HNF4G: variants seen among roughly 807,000 people sequenced by gnomAD.
HNF4G encodes hepatocyte nuclear factor 4-gamma.
A neutral mutation model predicts 50.9 loss-of-function variants in HNF4G; 21 were observed. The observed-to-expected ratio is 0.41, with a 90% CI of 0.29 to 0.59. The LOEUF is 0.59. Ranked by LOEUF, HNF4G falls within the 20% of genes least tolerant of loss-of-function variation. The probability of loss-of-function intolerance (pLI) is 0.26; values close to 1 mark genes in which losing one functional copy is unlikely to be tolerated. For synonymous variants in HNF4G, 198 were observed against 185.6 expected (o/e 1.07, Z -0.54); for missense variants, 527 against 559.4 (o/e 0.94, Z 0.58).
chr8:75,496,733 G>A (rs981972321), intron 2 of HNF4G, among the ~76,000 whole-genome samples: 7 of 151,430 alleles, frequency 4.6e-5, no homozygotes, highest in Non-Finnish European at 7.4e-5. Context: ...CCAGACAAGT[G>A]GAGAAAAAGA....
chr8:75,427,181 C>A (rs1461784401), intron 1 of HNF4G, among the ~76,000 whole-genome samples: 12 of 152,146 alleles, frequency 7.9e-5, no homozygotes, highest in Admixed American at 7.9e-4. Flanking sequence ...CTCTGTATTT[C>A]TTTGAATGCA....
rs186072116 is a variant in HNF4G, at chr8:75,449,652, T to G, written c.-143-40437T>G. 0.011 allele frequency among the ~76,000 whole-genome samples: 1,696 copies of G among 151,568 alleles called. 67 individuals are homozygous for G. In the East Asian group the frequency reaches 0.15, roughly 13 times the overall value. Reference sequence around the variant, plus strand: ...CTCCCTTGTAGCTGGGACTACAGGCTCCCGCCACCACGCCAGGCTAATTTT... The same window carrying G: ...CTCCCTTGTAGCTGGGACTACAGGCGCCCGCCACCACGCCAGGCTAATTTT... On this transcript the variant is annotated intron_variant, in intron 1 of 10. Coordinates refer to the HNF4G transcript ENST00000354370.
Position 75,564,469 on chromosome 8 carries a change from G to A in HNF4G, c.*373G>A. Reference sequence around the variant, plus strand: ...CAGAACAAAGTGTTCGTTTTTGACTGAAAATAGTAGATCAGAAATCTCAGT... The same window carrying A: ...CAGAACAAAGTGTTCGTTTTTGACTAAAAATAGTAGATCAGAAATCTCAGT... On this transcript the variant is annotated 3_prime_UTR_variant, in exon 10 of 10. Transcript: ENST00000396423. 1 of 155,216 alleles carries A rather than the reference G, an allele frequency of 6.4e-6. No individual in the cohort carries two copies. Among genetic ancestry groups the A allele is most frequent in the Non-Finnish European group, 1.4e-5 (1 of 70,066 alleles). The allele number at this position is 155,216 out of a possible 1,614,324, so 9.6% of individuals were successfully genotyped here. A position where few individuals can be genotyped will look rare whatever the true frequency, so the allele number is the denominator to read the frequency against.
At chr8:75,508,068 T>C (rs1045877709) in intron 2 of HNF4G, among the ~76,000 whole-genome samples, 2 of 151,380 alleles carry the variant, frequency 1.3e-5, no homozygotes, top group African/African-American at 4.8e-5. Context: ...ACCGTATCAA[T>C]GGCTAAACAA....
chr8:75,414,945 C>T (rs1166186839), intron 1 of HNF4G, among the ~76,000 whole-genome samples: 1 of 152,148 alleles, frequency 6.6e-6, no homozygotes, highest in African/African-American at 2.4e-5. Flanking sequence ...AAAGAATTAC[C>T]AATCTGGTTT....
chr8:75,484,328 C>T (rs1258447303), intron 1 of HNF4G, among the ~76,000 whole-genome samples: 1 of 152,132 alleles, frequency 6.6e-6, no homozygotes, highest in Non-Finnish European at 1.5e-5. Flanking sequence ...GAAAAAAGCT[C>T]TCTGGTTAAT....
At chr8:75,414,646 G>C (rs1810589390) in intron 1 of HNF4G, among the ~76,000 whole-genome samples, 1 of 152,060 alleles carries the variant, frequency 6.6e-6, no homozygotes, top group African/African-American at 2.4e-5. Flanking sequence ...GGGTCACGCA[G>C]TATTATTTTG....
At chr8:75,441,191 G>A (rs916088758) in intron 1 of HNF4G, among the ~76,000 whole-genome samples, 2 of 151,632 alleles carry the variant, frequency 1.3e-5, no homozygotes, top group Non-Finnish European at 2.9e-5. Flanking sequence ...CTTAACATGA[G>A]AGCTACCTTG....
intron 8 of HNF4G, 50 bp downstream of exon 8, chr8:75,559,087 A>G (rs1807223495): frequency 2.5e-6 from 3 of 1,193,100 alleles, no homozygotes; most frequent in Middle Eastern, 1.9e-4. Context: ...CACACTAAAT[A>G]TAAGTTTGAC....
intron 2 of HNF4G, among the ~76,000 whole-genome samples, chr8:75,533,587 ATTT>A (rs1806386021): frequency 6.6e-6 from 1 of 151,898 alleles, no homozygotes; most frequent in African/African-American, 2.4e-5. Flanking sequence ...TATTAATATT[ATTT>A]TAATTATGTC....
In HNF4G at chr8:75,515,668, C is replaced by A. The variant is rs147219457; in HGVS notation, c.-24+25460C>A. On this transcript the variant is annotated intron_variant, in intron 2 of 10. Transcript: ENST00000354370. ...AAGCAGAAGAAAATGAATGTCCTGG[C>A]TCAAACACAGAGAATAAATTCACCT... Among the ~76,000 whole-genome samples the A allele has an allele frequency of 1.3e-4, 20 of 152,278 alleles. No individual in the cohort carries two copies. The East Asian group carries it at 3.9e-3, about 29-fold the overall frequency.
At chr8:75,563,895 G>A (rs1245960150) in intron 9 of HNF4G, 80 bp from the exon 10 acceptor site, 1 of 1,464,494 alleles carries the variant, frequency 6.8e-7, no homozygotes, top group Non-Finnish European at 9.4e-7. Context: ...ACGCTAATGT[G>A]TATTGGTGTT....
intron 1 of HNF4G, among the ~76,000 whole-genome samples, chr8:75,474,051 A>G (rs1366077558): frequency 1.3e-5 from 2 of 152,212 alleles, no homozygotes; most frequent in Middle Eastern, 3.2e-3. Context: ...AGGGATAGTC[A>G]ATAGAGATCT....
intron 1 of HNF4G, among the ~76,000 whole-genome samples, chr8:75,410,408 C>T (rs188584534): frequency 7.2e-5 from 11 of 152,234 alleles, no homozygotes; most frequent in African/African-American, 2.4e-4. Flanking sequence ...AGTCCCAGAA[C>T]ATCTGACTTG....
intron 2 of HNF4G, among the ~76,000 whole-genome samples, chr8:75,493,239 C>A (rs902980876): frequency 6.6e-6 from 1 of 152,010 alleles, no homozygotes; most frequent in Non-Finnish European, 1.5e-5. Flanking sequence ...AGGTATATAT[C>A]TGGAGGGAAA....
At chr8:75,433,442 T>G (rs1811062360) in intron 1 of HNF4G, among the ~76,000 whole-genome samples, 1 of 151,600 alleles carries the variant, frequency 6.6e-6, no homozygotes, top group African/African-American at 2.4e-5. Context: ...AAAGAAACTT[T>G]AAGATCAATT....
intron 2 of HNF4G, among the ~76,000 whole-genome samples, chr8:75,505,169 G>T (rs1483541763): frequency 6.6e-6 from 1 of 152,104 alleles, no homozygotes; most frequent in Non-Finnish European, 1.5e-5. Context: ...TACAAGTACT[G>T]ATTTTACCCA....
intron 2 of HNF4G, among the ~76,000 whole-genome samples, chr8:75,525,282 C>T (rs749846261): frequency 1.5e-4 from 23 of 152,154 alleles, no homozygotes; most frequent in Non-Finnish European, 2.6e-4. Context: ...AATTCTCCTG[C>T]CTCAGCCTCC....
At chr8:75,468,348 C>G (rs781251197) in intron 1 of HNF4G, among the ~76,000 whole-genome samples, 12 of 152,106 alleles carry the variant, frequency 7.9e-5, no homozygotes, top group Non-Finnish European at 1.8e-4. Context: ...AAGAACCATG[C>G]TTAGTCTGCA....
Sources: gnomAD v4.1 joint callset for allele counts (sites outside exome capture counted in the v4.1 genomes callset) on GRCh38, gnomAD v4.1.1 for gene constraint, MANE v1.5 for transcripts, NCBI Gene and HGNC (gene_info 2026-07-23, HGNC 2026-07-21) for gene names.